Variants in LRRC66 observed in about 807,000 individuals in gnomAD.
LRRC66 encodes leucine rich repeat containing 66, also known as leucine-rich repeat-containing protein 66.
LRRC66 carries 29 observed loss-of-function variants against 24.6 expected under a neutral mutation model. The observed-to-expected ratio is 1.18, with a 90% CI of 0.88 to 1.61. LRRC66 has a LOEUF of 1.61. LRRC66 is among the 40% of genes most tolerant of loss of function. LRRC66 has a pLI of 0.00. For missense variants in LRRC66, 1,124 were observed against 1,058.0 expected (o/e 1.06, Z -0.87); for synonymous variants, 411 against 397.6 (o/e 1.03, Z -0.40).
intron 4 of LRRC66, 151 bp downstream of exon 4, chr4:51,997,597 G>T: frequency 3.1e-6 from 2 of 654,954 alleles, no homozygotes; most frequent in Non-Finnish European, 2.6e-6. Context: ...TGACACCAAT[G>T]ATTTTTCTAT....
chr4:51,998,770 G>A (rs1174778899), intron 3 of LRRC66, among the ~76,000 whole-genome samples: 1 of 152,194 alleles, frequency 6.6e-6, no homozygotes, highest in Non-Finnish European at 1.5e-5. Context: ...CAGTTAGGAG[G>A]AGCTTTAGCT....
intron 2 of LRRC66, among the ~76,000 whole-genome samples, chr4:52,013,020 T>G (rs1459533378): frequency 6.6e-6 from 1 of 152,116 alleles, no homozygotes; most frequent in East Asian, 1.9e-4. Flanking sequence ...TGGAATAGAG[T>G]CTAGAATGGT....
Position 51,995,616 on chromosome 4 carries a change from A to G in LRRC66, c.1406T>C (p.Val469Ala), listed in dbSNP as rs1560556041. 6.2e-7 allele frequency: 1 copy of G among 1,614,036 alleles called. No homozygotes were observed. Among genetic ancestry groups the G allele is most frequent in the East Asian group, 2.2e-5 (1 of 44,862 alleles). ...WVTQPHPHAT[V>A]IPDRTLGRSR... ...CCTTCCCAGAGTTCTATCAGGAATT[A>G]CGGTGGCGTGTGGGTGTGGCTGTGT... The change falls in exon 5 of 5, where the codon GTA becomes GCA. Residue 469 changes from valine (V) to alanine (A), a missense_variant. Val to Ala is a moderately conservative substitution (Grantham distance 64, BLOSUM62 0). Transcript: ENST00000682860.
chr4:52,007,391 G>T (rs191181552), intron 2 of LRRC66, among the ~76,000 whole-genome samples: 21 of 151,728 alleles, frequency 1.4e-4, no homozygotes, highest in African/African-American at 5.1e-4. Context: ...TCACCATGTT[G>T]CCCAGGCTGT....
At chr4:52,020,014 G>GA (rs1425880758) in intron 1 of LRRC66, among the ~76,000 whole-genome samples, 1 of 151,918 alleles carries the variant, frequency 6.6e-6, no homozygotes, top group Admixed American at 6.6e-5. Flanking sequence ...CAGAACTCCA[G>GA]AAAAAGTTGC....
intron 1 of LRRC66, chr4:52,018,010 A>G: frequency 2.0e-6 from 2 of 985,454 alleles, no homozygotes; most frequent in Non-Finnish European, 2.4e-6. Context: ...TATTATGCTT[A>G]TCTACAACAT....
chr4:52,003,131 G>A (rs1578114098), intron 3 of LRRC66, 92 bp downstream of exon 3: 1 of 983,546 alleles, frequency 1.0e-6, no homozygotes. Flanking sequence ...CAGTACTACT[G>A]GACATGAAGA....
At chr4:52,016,992 T>C (rs930219088) in intron 2 of LRRC66, 126 bp downstream of exon 2, 16 of 1,028,306 alleles carry the variant, frequency 1.6e-5, no homozygotes, top group South Asian at 3.3e-5. Context: ...CATTATTATA[T>C]GTGCTCTGAT....
At chr4:51,998,889 G>A (rs1322396977) in intron 3 of LRRC66, among the ~76,000 whole-genome samples, 1 of 152,202 alleles carries the variant, frequency 6.6e-6, no homozygotes, top group African/African-American at 2.4e-5. Context: ...AGAGGAAGAA[G>A]CTGGGTTAAG....
chr4:52,009,548 G>C (rs1012223732), intron 2 of LRRC66, among the ~76,000 whole-genome samples: 3 of 152,228 alleles, frequency 2.0e-5, no homozygotes, highest in South Asian at 2.1e-4. Flanking sequence ...TCAATAATAA[G>C]AGAGGTGGCA....
intron 1 of LRRC66, among the ~76,000 whole-genome samples, chr4:52,018,852 C>T (rs187293743): frequency 1.3e-5 from 2 of 152,194 alleles, no homozygotes; most frequent in African/African-American, 4.8e-5. Flanking sequence ...CAGTTCATTC[C>T]CAGTTCCAAG....
intron 1 of LRRC66, among the ~76,000 whole-genome samples, chr4:52,019,441 T>C (rs1044274445): frequency 6.6e-6 from 1 of 152,194 alleles, no homozygotes; most frequent in South Asian, 2.1e-4. Flanking sequence ...CACTGGGTTA[T>C]GTTGTTTGTG....
chr4:52,002,756 T>C (rs1422707757), intron 3 of LRRC66, among the ~76,000 whole-genome samples: 2 of 152,214 alleles, frequency 1.3e-5, no homozygotes, highest in Non-Finnish European at 2.9e-5. Flanking sequence ...AGCAACAGGG[T>C]CACTGGGTTT....
intron 3 of LRRC66, among the ~76,000 whole-genome samples, chr4:52,002,150 A>G (rs1487626415): frequency 6.6e-6 from 1 of 152,250 alleles, no homozygotes; most frequent in African/African-American, 2.4e-5. Flanking sequence ...AAAAGGGGAT[A>G]TAAAATATCT....
intron 2 of LRRC66, among the ~76,000 whole-genome samples, chr4:52,014,051 C>T (rs1437153861): frequency 1.3e-5 from 2 of 152,124 alleles, no homozygotes; most frequent in South Asian, 2.1e-4. Context: ...ATCAGGAGTT[C>T]GAGACCAGCC....
chr4:52,010,165 A>T (rs567126078), intron 2 of LRRC66, among the ~76,000 whole-genome samples: 3 of 152,328 alleles, frequency 2.0e-5, no homozygotes, highest in African/African-American at 7.2e-5. Flanking sequence ...TAGAGCATTT[A>T]TGAAAGATCT....
At chr4:52,003,892 T>C (rs970479758) in intron 2 of LRRC66, among the ~76,000 whole-genome samples, 2 of 152,258 alleles carry the variant, frequency 1.3e-5, no homozygotes, top group Non-Finnish European at 2.9e-5. Flanking sequence ...TAAATATTTA[T>C]TTGTTTGAAC....
At position 51,995,372 on chromosome 4, in the gene LRRC66, T is replaced by C. The variant is rs772729629; in HGVS notation, c.1650A>G (p.Ala550=). ...ETVAQEEPLS[A]HSVGVSSVAG... ...CTACAGAAGAGACGCCCACTGAATG[T>C]GCACTGAGAGGCTCTTCCTGGGCCA... Residue 550 remains alanine, a synonymous_variant, in exon 5 of 5, where the codon GCA becomes GCG. Coordinates refer to ENST00000682860, the MANE Select transcript of LRRC66 (RefSeq NM_001024611.3). The C allele has an allele frequency of 1.9e-6, 3 of 1,614,056 alleles. No individual in the cohort carries two copies. The highest frequency in any genetic ancestry group is 1.3e-5 in the African/African-American group (1 of 74,918).
In LRRC66 at chr4:52,017,524, A is replaced by C; in HGVS notation, c.90T>G (p.Ile30Met). Reference sequence around the variant, plus strand: ...TCCATTGGCATTCAGAATTGAATAAAATATTGCTTTTTCTTGATGCATTTG... The same window carrying C: ...TCCATTGGCATTCAGAATTGAATAACATATTGCTTTTTCTTGATGCATTTG... ...IMTNASRKSN[I>M]LFNSECQWNE... The change falls in exon 2 of 5, where the codon ATT becomes ATG. Residue 30 changes from isoleucine (I) to methionine (M), a missense_variant. Ile to Met is a conservative substitution (Grantham distance 10). Coordinates refer to ENST00000682860, the MANE Select transcript of LRRC66 (RefSeq NM_001024611.3). 6.2e-7 allele frequency: 1 copy of C among 1,613,188 alleles called. No homozygotes were observed. The highest frequency in any genetic ancestry group is 8.5e-7 in the Non-Finnish European group (1 of 1,179,644).
Sources: gnomAD v4.1 joint callset for allele counts (sites outside exome capture counted in the v4.1 genomes callset) on GRCh38, gnomAD v4.1.1 for gene constraint, MANE v1.5 for transcripts, NCBI Gene and HGNC (gene_info 2026-07-23, HGNC 2026-07-21) for gene names.